Variants in ST8SIA6 observed in about 807,000 individuals in gnomAD.
The protein encoded by ST8SIA6 is ST8 alpha-N-acetyl-neuraminide alpha-2,8-sialyltransferase 6, also known as alpha-2,8-sialyltransferase 8F.
ST8SIA6 carries 39 observed loss-of-function variants against 33.6 expected under a neutral mutation model. That is an observed-to-expected ratio of 1.16 (90% confidence interval 0.90 to 1.52). ST8SIA6 has a LOEUF of 1.52. Ranked by LOEUF, ST8SIA6 falls within the 40% of genes most tolerant of loss-of-function variation. The pLI is 0.00. For missense variants in ST8SIA6, 441 were observed against 443.8 expected (o/e 0.99, Z 0.06); for synonymous variants, 172 against 167.2 (o/e 1.03, Z -0.22).
At chr10:17,446,612 A>G (rs1852716790) in intron 2 of ST8SIA6, among the ~76,000 whole-genome samples, 1 of 152,212 alleles carries the variant, frequency 6.6e-6, no homozygotes, top group African/African-American at 2.4e-5. Context: ...CCCAGAAAGC[A>G]GAGGAAAAAG....
intron 4 of ST8SIA6, among the ~76,000 whole-genome samples, chr10:17,350,522 C>T (rs566423234): frequency 9.3e-4 from 142 of 152,040 alleles, no homozygotes; most frequent in African/African-American, 3.2e-3. Context: ...GACCCTATCT[C>T]AACAAAACAA....
Position 17,326,590 on chromosome 10 carries a change from A to G in ST8SIA6, c.635+424T>C, listed in dbSNP as rs144579939. On this transcript the variant is annotated intron_variant, in intron 6 of 7. Transcript: ENST00000377602. ...TGTCTTGATCAGCATTTTCCCAAGT[A>G]TTGTCTAAGAACAAAACATCCTTGA... 4.3e-4 allele frequency among the ~76,000 whole-genome samples: 65 copies of G among 152,316 alleles called. 3 individuals carry two copies. The highest frequency in any genetic ancestry group is 3.9e-3 in the Admixed American group (60 of 15,298).
At chr10:17,333,717 A>ATTTTTT (rs71392102) in intron 4 of ST8SIA6, among the ~76,000 whole-genome samples, 501 of 33,754 alleles carry the variant, frequency 0.015, 75 homozygotes, top group African/African-American at 0.063. Context: ...ATATATATAT[A>ATTTTTT]TTTTTTTTTT....
At chr10:17,374,417 C>T (rs1849831454) in intron 3 of ST8SIA6, among the ~76,000 whole-genome samples, 3 of 151,358 alleles carry the variant, frequency 2.0e-5, no homozygotes, top group South Asian at 4.2e-4. Context: ...ATCATACTCT[C>T]AATATTATTA....
chr10:17,453,687 C>G, intron 1 of ST8SIA6, 30 bp from the exon 2 acceptor site: 1 of 1,275,412 alleles, frequency 7.8e-7, no homozygotes, highest in Non-Finnish European at 1.0e-6. Flanking sequence ...ACTTAAGTTG[C>G]TACACCCCGC....
intron 4 of ST8SIA6, 136 bp downstream of exon 4, chr10:17,359,378 G>T (rs1004750686): frequency 2.2e-5 from 13 of 594,236 alleles, no homozygotes; most frequent in African/African-American, 5.7e-5. Context: ...TCATGAGAGG[G>T]TCTTAGAATT....
chr10:17,321,350 C>A lies in ST8SIA6; in HGVS notation c.729-4G>T, dbSNP rs1331168949. ...TTTTTCCTTTAAGTTCCCATATCTG[C>A]CAAATTAAAAAAAAATTATAGTAAT... is the stretch of plus-strand genomic sequence containing the variant. On this transcript the variant is annotated splice_polypyrimidine_tract_variant and splice_region_variant and intron_variant, in intron 7 of 7. Transcript: ENST00000377602. The A allele has an allele frequency of 1.3e-6, 2 of 1,573,340 alleles. No individual in the cohort carries two copies. The highest frequency in any genetic ancestry group is 2.1e-5 in the Admixed American group (1 of 48,472).
At chr10:17,431,771 TAGTC>T (rs1372337513) in intron 2 of ST8SIA6, among the ~76,000 whole-genome samples, 6 of 148,602 alleles carry the variant, frequency 4.0e-5, no homozygotes, top group Non-Finnish European at 7.4e-5. Context: ...GCCCAACAAA[TAGTC>T]AGTTTCTACT....
rs751833032 is a variant in ST8SIA6 at position 17,359,588 on chromosome 10, G to A, written c.303C>T (p.Asn101=). The A allele has an allele frequency of 3.2e-5, 51 of 1,598,112 alleles. No individual in the cohort carries two copies. Among genetic ancestry groups the A allele is most frequent in the East Asian group, 2.9e-4 (13 of 44,230 alleles). The change falls in exon 4 of 8, where the codon AAC becomes AAT. Residue 101 remains asparagine (N), a synonymous_variant. Coordinates refer to ENST00000377602, the MANE Select transcript of ST8SIA6 (RefSeq NM_001004470.3). The part of the protein sequence containing the change: ...FSNKTKGYSE[N]DYLQIITDIQ... ...TATCTGTGATAATCTGAAGGTAGTC[G>A]TTCTCTGAATACCTAAAAATTAAAT...
intron 3 of ST8SIA6, among the ~76,000 whole-genome samples, chr10:17,368,406 T>TCAAAAAAAAAAAAAA (rs1849627726): frequency 4.4e-5 from 1 of 22,836 alleles, no homozygotes; most frequent in Non-Finnish European, 6.4e-5. Context: ...AAGCTCTGTC[T>TCAAAAAAAAAAAAAA]CAAAAAAAAA....
intron 3 of ST8SIA6, among the ~76,000 whole-genome samples, chr10:17,380,866 T>TG (rs1850119713): frequency 1.4e-5 from 2 of 146,320 alleles, no homozygotes; most frequent in Admixed American, 7.0e-5. Context: ...TGTGTATGTG[T>TG]TTGTATGTGT....
chr10:17,322,419 G>A (rs1847990603), intron 7 of ST8SIA6, among the ~76,000 whole-genome samples: 1 of 152,106 alleles, frequency 6.6e-6, no homozygotes, highest in African/African-American at 2.4e-5. Flanking sequence ...ATCCTGGTAA[G>A]TATAATCGTG....
chr10:17,442,237 C>T (rs1039652521), intron 2 of ST8SIA6, among the ~76,000 whole-genome samples: 1 of 152,162 alleles, frequency 6.6e-6, no homozygotes, highest in African/African-American at 2.4e-5. Context: ...ATGGAAGAAA[C>T]CTTATACAGT....
chr10:17,396,553 C>CT lies in ST8SIA6; in HGVS notation c.201-5934dup, dbSNP rs529146361. Among the ~76,000 whole-genome samples the CT allele has an allele frequency of 3.7e-3, 565 of 152,254 alleles. 3 individuals are homozygous for CT. Among genetic ancestry groups the CT allele is most frequent in the African/African-American group, 0.013 (535 of 41,524 alleles). ...GGCCTGTAAATACAAGCCACCCTGA[C>CT]TTTCCTTCTCAGAGAAAGAAATGCC... On this transcript the variant is annotated intron_variant, in intron 2 of 7. Coordinates refer to ENST00000377602, the MANE Select transcript of ST8SIA6 (RefSeq NM_001004470.3).
intron 3 of ST8SIA6, among the ~76,000 whole-genome samples, chr10:17,361,468 C>T (rs976157198): frequency 6.6e-6 from 1 of 151,392 alleles, no homozygotes; most frequent in African/African-American, 2.4e-5. Flanking sequence ...CATAAATAGT[C>T]CTATAGCCAT....
intron 4 of ST8SIA6, among the ~76,000 whole-genome samples, chr10:17,359,182 G>A (rs565629651): frequency 7.7e-4 from 118 of 152,278 alleles, no homozygotes; most frequent in African/African-American, 2.6e-3. Flanking sequence ...ACTTTAATAC[G>A]ATGACATTTT....
intron 6 of ST8SIA6, among the ~76,000 whole-genome samples, chr10:17,323,683 C>A (rs547093025): frequency 1.8e-4 from 28 of 151,814 alleles, no homozygotes; most frequent in Non-Finnish European, 1.2e-4. Flanking sequence ...CTGTGCCCGG[C>A]GAAAATTACA....
At chr10:17,405,725 T>G (rs1028175069) in intron 2 of ST8SIA6, among the ~76,000 whole-genome samples, 2 of 151,440 alleles carry the variant, frequency 1.3e-5, no homozygotes, top group East Asian at 3.9e-4. Context: ...CTACTAAAAG[T>G]ACAAAACTTA....
intron 2 of ST8SIA6, among the ~76,000 whole-genome samples, chr10:17,450,853 C>G (rs1852884818): frequency 6.6e-6 from 1 of 152,170 alleles, no homozygotes; most frequent in South Asian, 2.1e-4. Flanking sequence ...CAATTGTCAC[C>G]TCTAAGCTTT....
Sources: gnomAD v4.1 joint callset for allele counts (sites outside exome capture counted in the v4.1 genomes callset) on GRCh38, gnomAD v4.1.1 for gene constraint, MANE v1.5 for transcripts, NCBI Gene and HGNC (gene_info 2026-07-23, HGNC 2026-07-21) for gene names.